Variants in ADGRB3 observed in about 807,000 individuals in gnomAD.
ADGRB3 encodes the protein adhesion G protein-coupled receptor B3.
Under a neutral mutation model 193.4 loss-of-function variants are expected in ADGRB3, and 37 were observed. The observed-to-expected ratio is 0.19, with a 90% confidence interval of 0.15 to 0.25. ADGRB3 has a LOEUF of 0.25. Among genes scored for constraint, ADGRB3 ranks in the 10% least tolerant of loss-of-function variants. ADGRB3 has a pLI of 1.00. For synonymous variants in ADGRB3, 690 were observed against 644.2 expected (o/e 1.07, Z -1.08); for missense variants, 1,637 against 1,852.9 (o/e 0.88, Z 2.14).
rs865953604 is a variant in ADGRB3 at position 69,218,649 on chromosome 6, A to G, written c.2481-14641A>G. On this transcript the variant is annotated intron_variant, in intron 17 of 31. Transcript: ENST00000370598. The stretch of plus-strand genomic sequence containing the variant: ...TCCTGTTCTTTGTGCTTGACTTTCT[A>G]TAGAGAATCTGTTTGTTTTTATAGG... 2.0e-5 allele frequency among the ~76,000 whole-genome samples: 3 copies of G among 152,116 alleles called. No homozygotes were observed. In the South Asian group the frequency reaches 6.2e-4, roughly 32 times the overall value.
chr6:68,904,007 A>AAAG (rs1562079518), intron 3 of ADGRB3, among the ~76,000 whole-genome samples: 4 of 141,322 alleles, frequency 2.8e-5, no homozygotes, highest in East Asian at 2.1e-4. Context: ...AAAAAAAAAA[A>AAAG]GGGGAGAAGA....
chr6:68,713,894 C>A (rs1284189341), intron 3 of ADGRB3, among the ~76,000 whole-genome samples: 2 of 151,478 alleles, frequency 1.3e-5, no homozygotes, highest in East Asian at 3.9e-4. Context: ...ATAGATCTTA[C>A]AGATTTATTA....
At chr6:69,001,321 T>C (rs1263822120) in intron 11 of ADGRB3, among the ~76,000 whole-genome samples, 3 of 152,310 alleles carry the variant, frequency 2.0e-5, no homozygotes, top group Non-Finnish European at 4.4e-5. Context: ...TCATCCTACT[T>C]TGGAAAATAT....
intron 4 of ADGRB3, among the ~76,000 whole-genome samples, chr6:68,935,859 A>T (rs890727273): frequency 6.6e-6 from 1 of 152,216 alleles, no homozygotes; most frequent in African/African-American, 2.4e-5. Flanking sequence ...AATGAAAATT[A>T]TCAAGAAATT....
chr6:69,003,635 G>T (rs1769650662), intron 11 of ADGRB3, among the ~76,000 whole-genome samples: 1 of 152,082 alleles, frequency 6.6e-6, no homozygotes, highest in African/African-American at 2.4e-5. Context: ...CTGTGGTATA[G>T]AAAGCCTAAC....
At chr6:69,122,460 G>T (rs1470445449) in intron 17 of ADGRB3, among the ~76,000 whole-genome samples, 2 of 88,432 alleles carry the variant, frequency 2.3e-5, no homozygotes. Flanking sequence ...AAAGATAAGG[G>T]AGAGGGAGAG....
intron 3 of ADGRB3, among the ~76,000 whole-genome samples, chr6:68,912,054 A>G (rs552457113): frequency 1.3e-5 from 2 of 152,172 alleles, no homozygotes; most frequent in Non-Finnish European, 2.9e-5. Flanking sequence ...ACCTTTTTGA[A>G]TGATTAACAG....
At chr6:68,875,601 T>G (rs1049792472) in intron 3 of ADGRB3, among the ~76,000 whole-genome samples, 2 of 152,022 alleles carry the variant, frequency 1.3e-5, no homozygotes, top group Non-Finnish European at 2.9e-5. Context: ...GCTGACACAG[T>G]ATTACTAGGA....
At chr6:69,071,127 A>G (rs1237741548) in intron 16 of ADGRB3, among the ~76,000 whole-genome samples, 1 of 152,160 alleles carries the variant, frequency 6.6e-6, no homozygotes, top group Non-Finnish European at 1.5e-5. Flanking sequence ...TAGTAAATGA[A>G]TGCAGAATGG....
intron 17 of ADGRB3, among the ~76,000 whole-genome samples, chr6:69,116,377 CT>C (rs1245102142): frequency 5.3e-5 from 8 of 152,260 alleles, no homozygotes; most frequent in Middle Eastern, 3.4e-3. Context: ...GTTTTCACCC[CT>C]AACCCTTTTT....
chr6:68,680,631 T>G (rs545782016), intron 3 of ADGRB3, among the ~76,000 whole-genome samples: 1 of 152,300 alleles, frequency 6.6e-6, no homozygotes, highest in South Asian at 2.1e-4. Context: ...ATTTAATTTC[T>G]AAACCTGGCT....
chr6:68,898,788 C>T (rs1403380006), intron 3 of ADGRB3, among the ~76,000 whole-genome samples: 1 of 152,108 alleles, frequency 6.6e-6, no homozygotes, highest in Admixed American at 6.5e-5. Flanking sequence ...AATGATCTTC[C>T]TCCCAAAATC....
intron 20 of ADGRB3, among the ~76,000 whole-genome samples, chr6:69,266,022 C>CT (rs1465862089): frequency 5.9e-5 from 9 of 151,952 alleles, no homozygotes; most frequent in African/African-American, 2.2e-4. Context: ...TAAAGGAGAA[C>CT]TTACAAGAGC....
At chr6:68,797,332 G>T (rs988998466) in intron 3 of ADGRB3, among the ~76,000 whole-genome samples, 1 of 151,758 alleles carries the variant, frequency 6.6e-6, no homozygotes, top group African/African-American at 2.4e-5. Flanking sequence ...GACAGTAAGA[G>T]AAAGCTTTTT....
intron 17 of ADGRB3, among the ~76,000 whole-genome samples, chr6:69,211,719 C>T (rs1277008302): frequency 6.6e-6 from 1 of 152,046 alleles, no homozygotes; most frequent in Non-Finnish European, 1.5e-5. Context: ...CAGCTATATT[C>T]CCAGGACCTA....
Position 68,765,740 on chromosome 6 carries a change from C to T in ADGRB3, c.757+126308C>T, listed in dbSNP as rs867233841. ...GCCTAGTCCTAAGATCAAAGTTATA[C>T]TAATATCATAAAATTGGACAGTTTT... On this transcript the variant is annotated intron_variant, in intron 3 of 31. Coordinates refer to ENST00000370598, the MANE Select transcript of ADGRB3 (RefSeq NM_001704.3). 1.9e-4 allele frequency among the ~76,000 whole-genome samples: 29 copies of T among 152,010 alleles called. 1 individual carries two copies. Among genetic ancestry groups the T allele is most frequent in the African/African-American group, 6.5e-4 (27 of 41,520 alleles).
chr6:69,207,944 A>G (rs1169769162), intron 17 of ADGRB3, among the ~76,000 whole-genome samples: 1 of 152,224 alleles, frequency 6.6e-6, no homozygotes, highest in African/African-American at 2.4e-5. Flanking sequence ...CCTTTCCATG[A>G]TGAAAGAGGT....
At chr6:69,219,211 G>A (rs1765836803) in intron 17 of ADGRB3, among the ~76,000 whole-genome samples, 1 of 151,682 alleles carries the variant, frequency 6.6e-6, no homozygotes, top group Non-Finnish European at 1.5e-5. Context: ...CTTTCTCAAT[G>A]TTTCTTCACT....
intron 29 of ADGRB3, among the ~76,000 whole-genome samples, chr6:69,367,187 C>T (rs952305395): frequency 5.9e-5 from 9 of 152,162 alleles, no homozygotes; most frequent in Middle Eastern, 3.4e-3. Flanking sequence ...AGAGTTTTGG[C>T]ATATTCTCAT....
Sources: gnomAD v4.1 joint callset for allele counts (sites outside exome capture counted in the v4.1 genomes callset) on GRCh38, gnomAD v4.1.1 for gene constraint, MANE v1.5 for transcripts, NCBI Gene and HGNC (gene_info 2026-07-23, HGNC 2026-07-21) for gene names.